The following NBEAL1 variants were observed in gnomAD, a reference collection of about 807,000 sequenced individuals.
NBEAL1 encodes the protein neurobeachin like 1.
A neutral mutation model predicts 351.3 loss-of-function variants in NBEAL1; 273 were observed. The ratio of observed to expected loss-of-function variants is 0.78; its 90% confidence interval spans 0.70 to 0.86. The LOEUF is 0.86. Ranked by LOEUF, NBEAL1 falls within the 40% of genes least tolerant of loss-of-function variation. The probability of loss-of-function intolerance (pLI) is 0.00; values close to 1 mark genes in which losing one functional copy is unlikely to be tolerated. For missense variants in NBEAL1, 2,961 were observed against 3,201.3 expected (o/e 0.92, Z 1.81); for synonymous variants, 1,050 against 1,086.4 (o/e 0.97, Z 0.66).
In NBEAL1 at chr2:203,084,526, G is replaced by A. The variant is rs535050495; in HGVS notation, c.1055G>A (p.Ser352Asn). ...RPVLQAIFLNSNCFEHLIRLL... is the reference protein window; with the variant it reads ...RPVLQAIFLNNNCFEHLIRLL... ...GTTCTTCAGGCCATTTTTCTTAACA[G>A]CAATTGCTTTGAACATCTCATACGA... Residue 352 changes from serine (S) to asparagine (N), a missense_variant, in exon 10 of 56, where the codon AGC becomes AAC. Transcript: ENST00000683969. The A allele has an allele frequency of 1.4e-4, 211 of 1,545,748 alleles. 3 individuals carry two copies. In the South Asian group the frequency reaches 2.2e-3, roughly 16 times the overall value.
chr2:203,048,066 A>T, intron 3 of NBEAL1, among the ~76,000 whole-genome samples: 1 of 152,126 alleles, frequency 6.6e-6, no homozygotes, highest in East Asian at 1.9e-4. Flanking sequence ...GTGACTCAAC[A>T]TGCCTTGATT....
At chr2:203,149,941 C>A (rs186634324) in intron 34 of NBEAL1, among the ~76,000 whole-genome samples, 179 of 152,116 alleles carry the variant, frequency 1.2e-3, no homozygotes, top group African/African-American at 4.2e-3. Flanking sequence ...AGGATATATC[C>A]CTTTTCTTTA....
intron 6 of NBEAL1, among the ~76,000 whole-genome samples, chr2:203,064,958 A>G (rs1309162981): frequency 2.0e-5 from 3 of 152,174 alleles, no homozygotes; most frequent in African/African-American, 7.2e-5. Flanking sequence ...GATATATGTA[A>G]TTTCCTATAT....
In NBEAL1 at chr2:203,127,956, A is replaced by G; in HGVS notation, c.3405+19A>G. On this transcript the variant is annotated intron_variant, in intron 24 of 55. Coordinates refer to ENST00000683969, the MANE Select transcript of NBEAL1 (RefSeq NM_001378026.1). ...AGAACAGGTATTATGCCTAAGATAC[A>G]TCTACTTTTCCTTTTTAACATTTGA... 6.5e-7 allele frequency: 1 copy of G among 1,533,416 alleles called. No homozygotes were observed. The highest frequency in any genetic ancestry group is 8.8e-7 in the Non-Finnish European group (1 of 1,135,024). 95.0% of individuals were successfully genotyped at this position (1,533,416 alleles called of 1,614,324 possible). A position where few individuals can be genotyped will look rare whatever the true frequency, so the allele number is the denominator to read the frequency against.
rs116599278 is a variant in NBEAL1, at chr2:203,112,133, T to C, written c.2202+35T>C. On this transcript the variant is annotated intron_variant, in intron 16 of 55. Transcript: ENST00000683969. The stretch of plus-strand genomic sequence containing the variant: ...TCCAACCTACTCTTTACGGGCCCTA[T>C]TGGTTGAGAATTCTTGAAATGTTTT... 1,369 of 1,524,384 alleles carry C rather than the reference T, an allele frequency of 9.0e-4. 13 individuals are homozygous for C. In the African/African-American group the frequency reaches 0.017, roughly 19 times the overall value. The allele number at this position is 1,524,384 out of a possible 1,614,324, so 94.4% of individuals were successfully genotyped here.
chr2:203,070,588 A>C (rs2061665718), intron 7 of NBEAL1, among the ~76,000 whole-genome samples: 1 of 152,122 alleles, frequency 6.6e-6, no homozygotes, highest in African/African-American at 2.4e-5. Flanking sequence ...ATTGATAAAG[A>C]AAAGAGGTTT....
At chr2:203,139,812 C>T (rs2063321557) in intron 31 of NBEAL1, among the ~76,000 whole-genome samples, 1 of 151,646 alleles carries the variant, frequency 6.6e-6, no homozygotes, top group African/African-American at 2.4e-5. Flanking sequence ...TGTGATCTGC[C>T]CACCTCAGCC....
intron 5 of NBEAL1, 84 bp downstream of exon 5, chr2:203,056,592 G>A (rs1284246756): frequency 1.2e-6 from 1 of 839,288 alleles, no homozygotes; most frequent in African/African-American, 1.7e-5. Context: ...TTGAGATGGA[G>A]TTTTGCTCTT....
In NBEAL1 at chr2:203,151,557, A is replaced by G. The variant is rs1192369323; in HGVS notation, c.5555A>G (p.His1852Arg). 1.2e-6 allele frequency: 2 copies of G among 1,609,676 alleles called. No homozygotes were observed. Among genetic ancestry groups the G allele is most frequent in the African/African-American group, 1.3e-5 (1 of 74,760 alleles). The change falls in exon 35 of 56, where the codon CAT becomes CGT. Residue 1852 changes from histidine to arginine, a missense_variant. Coordinates refer to ENST00000683969, the MANE Select transcript of NBEAL1 (RefSeq NM_001378026.1). ...KLVPNYNFKT[H>R]EEASALRDNL... ...GTACCGAATTATAATTTCAAAACCC[A>G]TGAGGAAGCTAGTGCCTTGAGAGAT...
At chr2:203,074,413 C>T (rs1166567803) in intron 7 of NBEAL1, among the ~76,000 whole-genome samples, 2 of 150,052 alleles carry the variant, frequency 1.3e-5, no homozygotes, top group Admixed American at 6.7e-5. Flanking sequence ...CTGCAGCCTC[C>T]GCCTCCCGGG....
rs79398804 is a variant in NBEAL1, at chr2:203,084,168, G to A, written c.992-295G>A. Among the ~76,000 whole-genome samples, 1,469 of 152,176 alleles carry A rather than the reference G, an allele frequency of 9.7e-3. 24 individuals are homozygous for A. The highest frequency in any genetic ancestry group is 0.034 in the African/African-American group (1,420 of 41,498). ...TTGTTAAATACAAATATTATTAACT[G>A]ATAGTTCCTTTTAGAAGTAAAACGT... On this transcript the variant is annotated intron_variant, in intron 9 of 55. Transcript: ENST00000683969.
chr2:203,072,411 T>G lies in NBEAL1; in HGVS notation c.598+3936T>G, dbSNP rs7425653. 3.5e-5 allele frequency among the ~76,000 whole-genome samples: 5 copies of G among 144,646 alleles called. No homozygotes were observed. The East Asian group carries it at 9.9e-4, about 29-fold the overall frequency. 94.9% of individuals were successfully genotyped at this position (144,646 alleles called of 152,430 possible). On this transcript the variant is annotated intron_variant, in intron 7 of 55. Transcript: ENST00000683969. ...TAGAACAAGCTTTCTTGTTTGTTTG[T>G]TTTTTTTTTTTTAAATTTGGATAGA...
At chr2:203,037,526 G>A (rs79017215) in intron 2 of NBEAL1, among the ~76,000 whole-genome samples, 2 of 148,924 alleles carry the variant, frequency 1.3e-5, no homozygotes, top group Non-Finnish European at 3.0e-5. Context: ...TTTGATACAT[G>A]CAAACATTTG....
chr2:203,117,201 C>T (rs2062719502), intron 18 of NBEAL1, among the ~76,000 whole-genome samples: 1 of 152,100 alleles, frequency 6.6e-6, no homozygotes, highest in Non-Finnish European at 1.5e-5. Context: ...CACAGTGGCT[C>T]ACGCTTTAAT....
chr2:203,111,845 C>G, intron 15 of NBEAL1, 134 bp from the exon 16 acceptor site: 1 of 1,015,902 alleles, frequency 9.8e-7, no homozygotes, highest in South Asian at 1.8e-5. Context: ...ACTTTGAGAA[C>G]ATCAATTTAA....
At position 203,107,823 on chromosome 2, in the gene NBEAL1, G is replaced by A. The variant is rs1236555947; in HGVS notation, c.1584G>A (p.Leu528=). 6.4e-7 allele frequency: 1 copy of A among 1,554,512 alleles called. No individual in the cohort carries two copies. The highest frequency in any genetic ancestry group is 8.7e-7 in the Non-Finnish European group (1 of 1,147,786). ...TTAGAATCATTGAAACCCTTGACTTGCATTCTTCCCTCCATCAAACTTGTG... is the reference window on the plus strand; with the variant it reads ...TTAGAATCATTGAAACCCTTGACTTACATTCTTCCCTCCATCAAACTTGTG... ...MGIRIIETLD[L]HSSLHQTCAE... Residue 528 remains leucine, a synonymous_variant, in exon 14 of 56, where the codon TTG becomes TTA. Coordinates refer to ENST00000683969, the MANE Select transcript of NBEAL1 (RefSeq NM_001378026.1).
chr2:203,115,888 C>T (rs540488098), intron 17 of NBEAL1, 97 bp from the exon 18 acceptor site: 4 of 758,008 alleles, frequency 5.3e-6, no homozygotes, highest in East Asian at 5.7e-5. Context: ...GTTTGAGTAG[C>T]TTGAAACAGC....
At chr2:203,122,212 T>G in intron 18 of NBEAL1, 42 bp from the exon 19 acceptor site, 1 of 1,128,160 alleles carries the variant, frequency 8.9e-7, no homozygotes, top group Non-Finnish European at 1.3e-6. Context: ...ATTTATGTTT[T>G]GTTCTAATTG....
intron 31 of NBEAL1, among the ~76,000 whole-genome samples, chr2:203,143,701 C>T (rs905857952): frequency 7.9e-5 from 12 of 152,108 alleles, no homozygotes; most frequent in African/African-American, 2.7e-4. Context: ...AGACAGTTCT[C>T]CATGGGTCTC....
Sources: gnomAD v4.1 joint callset for allele counts (sites outside exome capture counted in the v4.1 genomes callset) on GRCh38, gnomAD v4.1.1 for gene constraint, MANE v1.5 for transcripts, NCBI Gene and HGNC (gene_info 2026-07-23, HGNC 2026-07-21) for gene names.